SORBS2: variants seen among roughly 807,000 people sequenced by gnomAD.
The protein encoded by SORBS2 is sorbin and SH3 domain containing 2.
A neutral mutation model predicts 97.7 loss-of-function variants in SORBS2; 46 were observed. The ratio of observed to expected loss-of-function variants is 0.47; its 90% CI spans 0.37 to 0.60. SORBS2 has a LOEUF of 0.60. Among genes scored for constraint, SORBS2 ranks in the 20% least tolerant of loss-of-function variants. The probability of loss-of-function intolerance (pLI) is 0.00; values close to 1 mark genes in which losing one functional copy is unlikely to be tolerated. For synonymous variants in SORBS2, 476 were observed against 473.4 expected (o/e 1.01, Z -0.07); for missense variants, 1,316 against 1,282.3 (o/e 1.03, Z -0.40).
At chr4:185,924,616 C>CA (rs2149936720) in intron 1 of SORBS2, among the ~76,000 whole-genome samples, 1 of 152,152 alleles carries the variant, frequency 6.6e-6, no homozygotes, top group East Asian at 1.9e-4. Flanking sequence ...TGGCGCCCTG[C>CA]ATTTGCATAT....
At chr4:185,769,283 T>A (rs907421730) in intron 2 of SORBS2, among the ~76,000 whole-genome samples, 3 of 152,180 alleles carry the variant, frequency 2.0e-5, no homozygotes, top group South Asian at 2.1e-4. Flanking sequence ...TGAAGGTAAT[T>A]TTATACAGCG....
chr4:185,748,715 T>A (rs1358246937), intron 2 of SORBS2, among the ~76,000 whole-genome samples: 2 of 152,240 alleles, frequency 1.3e-5, no homozygotes, highest in Non-Finnish European at 2.9e-5. Context: ...TAGATTTTGT[T>A]AGTGAACTCA....
intron 1 of SORBS2, among the ~76,000 whole-genome samples, chr4:185,828,295 A>G (rs115552294): frequency 0.031 from 4,743 of 152,180 alleles, 112 homozygotes; most frequent in South Asian, 0.053. Context: ...CCCTGCATCC[A>G]CCCACTGCCT....
chr4:185,700,369 T>A (rs1583018282), intron 2 of SORBS2, among the ~76,000 whole-genome samples: 1 of 119,880 alleles, frequency 8.3e-6, no homozygotes, highest in Admixed American at 8.7e-5. Context: ...GGGGGGAGGG[T>A]CACAGAACGA....
chr4:185,602,598 A>T lies in SORBS2; in HGVS notation c.2797-8663T>A, dbSNP rs117253641. ...ATGGGGTTGATAAAAATGTTATTAC[A>T]ATGATTTCATGCGTGCTATACTATG... On this transcript the variant is annotated intron_variant, in intron 12 of 14. Transcript: ENST00000418609. Among the ~76,000 whole-genome samples, 54 of 152,360 alleles carry T rather than the reference A, an allele frequency of 3.5e-4. 1 individual carries two copies. In the East Asian group the frequency reaches 9.8e-3, roughly 28 times the overall value.
At chr4:185,864,437 A>C (rs2099225660) in intron 1 of SORBS2, among the ~76,000 whole-genome samples, 1 of 152,244 alleles carries the variant, frequency 6.6e-6, no homozygotes, top group African/African-American at 2.4e-5. Context: ...TTTTCTATAA[A>C]GCAAAAAACT....
chr4:185,632,399 G>T (rs1469152115), intron 4 of SORBS2, among the ~76,000 whole-genome samples: 1 of 152,126 alleles, frequency 6.6e-6, no homozygotes, highest in East Asian at 1.9e-4. Flanking sequence ...CAGGAGAAAA[G>T]TTTGGTTTGC....
intron 14 of SORBS2, among the ~76,000 whole-genome samples, chr4:185,589,407 T>C (rs2095867793): frequency 6.6e-6 from 1 of 152,218 alleles, no homozygotes; most frequent in African/African-American, 2.4e-5. Context: ...TAGATCTCAA[T>C]CTTTCCTGGT....
intron 2 of SORBS2, among the ~76,000 whole-genome samples, chr4:185,724,455 C>T (rs1433829197): frequency 6.6e-6 from 1 of 152,082 alleles, no homozygotes; most frequent in Admixed American, 6.5e-5. Context: ...AAAACAGTAT[C>T]CTATGGGCCA....
intron 7 of SORBS2, among the ~76,000 whole-genome samples, chr4:185,620,662 G>A (rs1581130317): frequency 6.6e-6 from 1 of 152,282 alleles, no homozygotes; most frequent in African/African-American, 2.4e-5. Flanking sequence ...GGAGGGTGGT[G>A]ATGAACATTC....
rs759340204 is a variant in SORBS2 at position 185,623,234 on chromosome 4, A to C, written c.1895T>G (p.Phe632Cys). 5 of 1,614,076 alleles carry C rather than the reference A, an allele frequency of 3.1e-6. No homozygotes were observed. The African/African-American group carries it at 6.7e-5, about 22-fold the overall frequency. Residue 632 changes from phenylalanine (F) to cysteine (C), a missense_variant, in exon 7 of 15, where the codon TTT (phenylalanine) becomes TGT (cysteine). Transcript: ENST00000418609. The surrounding 1 kb of genome is among the most constrained non-coding windows in gnomAD (Gnocchi z 6.4). ...TTTAAGGGCAGAGTCCAGAGCCTCA[A>C]ACACAGATGCTTTACATTTTGCCTT...
At chr4:185,930,671 T>C (rs1457658313) in intron 1 of SORBS2, among the ~76,000 whole-genome samples, 1 of 152,212 alleles carries the variant, frequency 6.6e-6, no homozygotes, top group Non-Finnish European at 1.5e-5. Context: ...TTTCTCCTTA[T>C]CACTATCTTA....
In SORBS2 at chr4:185,929,917, C is replaced by CTT. The variant is rs2099265631; in HGVS notation, c.-338+26277_-338+26278dup. Reference sequence around the variant, plus strand: ...ATATTCTGCTATTGACGGGGATGAACTTGGGCAGTTTATTTCACTCTCAAG... The same window carrying CTT: ...ATATTCTGCTATTGACGGGGATGAACTTTTGGGCAGTTTATTTCACTCTCAAG... On this transcript the variant is annotated intron_variant, in intron 1 of 20. Coordinates refer to the SORBS2 transcript ENST00000284776. Among the ~76,000 whole-genome samples the CTT allele has an allele frequency of 2.6e-5, 4 of 152,212 alleles. No homozygotes were observed. In the East Asian group the frequency reaches 7.7e-4, roughly 29 times the overall value.
At chr4:185,838,444 T>C (rs1038555046) in intron 1 of SORBS2, among the ~76,000 whole-genome samples, 2 of 152,098 alleles carry the variant, frequency 1.3e-5, no homozygotes, top group African/African-American at 4.8e-5. Context: ...AAGGGCTGTC[T>C]GGGGGGCTCA....
intron 4 of SORBS2, among the ~76,000 whole-genome samples, chr4:185,642,142 G>A (rs575078447): frequency 2.0e-5 from 3 of 152,076 alleles, no homozygotes; most frequent in South Asian, 2.1e-4. Context: ...ATTATTAGTT[G>A]GGATAATTCT....
intron 1 of SORBS2, among the ~76,000 whole-genome samples, chr4:185,798,523 C>T (rs755300401): frequency 1.3e-5 from 2 of 152,132 alleles, no homozygotes; most frequent in Non-Finnish European, 2.9e-5. Flanking sequence ...AACATTTAAC[C>T]TAAGTGTACT....
chr4:185,742,991 C>T (rs1274897423), intron 2 of SORBS2, among the ~76,000 whole-genome samples: 1 of 152,170 alleles, frequency 6.6e-6, no homozygotes, highest in African/African-American at 2.4e-5. Context: ...GAATGCACCT[C>T]CCAGCCCTTT....
At chr4:185,848,154 C>G (rs1287566037) in intron 1 of SORBS2, among the ~76,000 whole-genome samples, 1 of 152,052 alleles carries the variant, frequency 6.6e-6, no homozygotes, top group Non-Finnish European at 1.5e-5. Flanking sequence ...GGAATGGAGG[C>G]AGAGAAGGGG....
intron 1 of SORBS2, among the ~76,000 whole-genome samples, chr4:185,817,890 T>C (rs1430266740): frequency 6.6e-6 from 1 of 152,138 alleles, no homozygotes; most frequent in African/African-American, 2.4e-5. Flanking sequence ...CTGAAATACA[T>C]GTTCAGTAAG....
Sources: gnomAD v4.1 joint callset for allele counts (sites outside exome capture counted in the v4.1 genomes callset) on GRCh38, gnomAD v4.1.1 for gene constraint, Gnocchi (gnomAD v3.1) non-coding constraint, MANE v1.5 for transcripts, NCBI Gene and HGNC (gene_info 2026-07-23, HGNC 2026-07-21) for gene names.